Variants in HSD17B12 observed in about 807,000 individuals in gnomAD.
HSD17B12 encodes the protein hydroxysteroid 17-beta dehydrogenase 12.
Under a neutral mutation model 39.3 loss-of-function variants are expected in HSD17B12, and 32 were observed. The ratio of observed to expected loss-of-function variants is 0.81; its 90% CI spans 0.61 to 1.09. The LOEUF (loss-of-function observed/expected upper bound fraction) is 1.09. HSD17B12 is among the 50% of genes least tolerant of loss of function. The pLI, the probability that HSD17B12 is intolerant of heterozygous loss-of-function variation, is 0.00. For synonymous variants in HSD17B12, 150 were observed against 146.7 expected, an observed-to-expected ratio of 1.02 and a Z score of -0.16; for missense variants, 342 against 382.9, an observed-to-expected ratio of 0.89 and a Z score of 0.89.
chr11:43,697,124 A>G (rs1312305851), intron 1 of HSD17B12, among the ~76,000 whole-genome samples: 1 of 152,206 alleles, frequency 6.6e-6, no homozygotes, highest in East Asian at 1.9e-4. Flanking sequence ...TGGCACATGT[A>G]TACTTATGTA....
intron 9 of HSD17B12, among the ~76,000 whole-genome samples, chr11:43,840,839 G>T (rs773847555): frequency 6.6e-6 from 1 of 152,162 alleles, no homozygotes; most frequent in Non-Finnish European, 1.5e-5. Flanking sequence ...GAGCATGAGT[G>T]TACAAATATC....
At chr11:43,794,434 G>A (rs1950897862) in intron 3 of HSD17B12, among the ~76,000 whole-genome samples, 1 of 152,144 alleles carries the variant, frequency 6.6e-6, no homozygotes, top group African/African-American at 2.4e-5. Context: ...GTGAGGATAA[G>A]CAATAAGTTT....
chr11:43,787,973 G>A (rs1227716469), intron 3 of HSD17B12, among the ~76,000 whole-genome samples: 1 of 152,038 alleles, frequency 6.6e-6, no homozygotes, highest in Admixed American at 6.5e-5. Flanking sequence ...TAAGAACAAA[G>A]TGACAGGTTA....
intron 1 of HSD17B12, among the ~76,000 whole-genome samples, chr11:43,713,723 A>G (rs1159254535): frequency 6.6e-6 from 1 of 152,164 alleles, no homozygotes. Flanking sequence ...CAATGGTTGA[A>G]CTAGTTTACC....
chr11:43,763,001 A>T lies in HSD17B12; in HGVS notation c.283+8880A>T, dbSNP rs150358396. Among the ~76,000 whole-genome samples, 6 of 152,350 alleles carry T rather than the reference A, an allele frequency of 3.9e-5. No individual in the cohort carries two copies. The East Asian group carries it at 1.2e-3, about 29-fold the overall frequency. On this transcript the variant is annotated intron_variant, in intron 3 of 10. Transcript: ENST00000278353. Reference sequence around the variant, plus strand: ...CTTGATAAACAAAGCAGGTCTCATAAGAGAGCTGAACTAATTAAAGATGTG... The same window carrying T: ...CTTGATAAACAAAGCAGGTCTCATATGAGAGCTGAACTAATTAAAGATGTG...
At chr11:43,851,568 T>C (rs1951531118) in intron 9 of HSD17B12, among the ~76,000 whole-genome samples, 1 of 152,208 alleles carries the variant, frequency 6.6e-6, no homozygotes, top group African/African-American at 2.4e-5. Flanking sequence ...ATTTCTAAAA[T>C]TTTGGCTTAA....
At chr11:43,768,746 ACAGAAGGAGAC>A (rs1242685601) in intron 3 of HSD17B12, among the ~76,000 whole-genome samples, 5 of 152,200 alleles carry the variant, frequency 3.3e-5, no homozygotes, top group Admixed American at 3.3e-4. Context: ...ATTCCACAGC[ACAGAAGGAGAC>A]CAGAGCGGGT....
chr11:43,737,662 A>G (rs1431670283), intron 1 of HSD17B12, among the ~76,000 whole-genome samples: 3 of 152,348 alleles, frequency 2.0e-5, no homozygotes, highest in South Asian at 2.1e-4. Context: ...GGGTGATACC[A>G]TATAGCTTTT....
chr11:43,695,484 A>G (rs1949902717), intron 1 of HSD17B12, among the ~76,000 whole-genome samples: 1 of 152,186 alleles, frequency 6.6e-6, no homozygotes, highest in Admixed American at 6.5e-5. Context: ...AGGCTGAGGC[A>G]GGAGAATCAC....
chr11:43,686,988 A>T (rs181631750), intron 1 of HSD17B12, among the ~76,000 whole-genome samples: 85 of 141,830 alleles, frequency 6.0e-4, no homozygotes, highest in African/African-American at 2.0e-3. Context: ...TGGTTGGTTG[A>T]ATTGAGGATA....
upstream of HSD17B12, among the ~76,000 whole-genome samples, chr11:43,678,464 T>G (rs2134728374): frequency 6.6e-6 from 1 of 152,352 alleles, no homozygotes; most frequent in Non-Finnish European, 1.5e-5. Flanking sequence ...AATTTTGGCT[T>G]TTGTTGCCAT....
chr11:43,819,203 A>G (rs1015309736), intron 6 of HSD17B12, among the ~76,000 whole-genome samples: 1 of 152,150 alleles, frequency 6.6e-6, no homozygotes, highest in Admixed American at 6.5e-5. Context: ...CTTTAGATCC[A>G]TTAGTATTTT....
chr11:43,725,852 C>T (rs189056860), intron 1 of HSD17B12, among the ~76,000 whole-genome samples: 2 of 152,018 alleles, frequency 1.3e-5, no homozygotes, highest in African/African-American at 4.8e-5. Context: ...AAAGACACAA[C>T]AGAGGAACAG....
intron 3 of HSD17B12, among the ~76,000 whole-genome samples, chr11:43,795,361 A>G (rs974900244): frequency 2.6e-5 from 4 of 152,146 alleles, no homozygotes; most frequent in Admixed American, 6.6e-5. Flanking sequence ...AGACCCCTCC[A>G]TTATAATTCT....
chr11:43,734,126 C>T, intron 1 of HSD17B12: 2 of 1,382,848 alleles, frequency 1.4e-6, no homozygotes, highest in Non-Finnish European at 2.0e-6. Flanking sequence ...CCATCACTAC[C>T]AAATCAAGTC....
intron 1 of HSD17B12, among the ~76,000 whole-genome samples, chr11:43,724,315 TA>T (rs986260894): frequency 1.2e-4 from 18 of 151,262 alleles, no homozygotes; most frequent in South Asian, 6.3e-4. Context: ...ATATTTTGCA[TA>T]AAAAAAATAG....
In HSD17B12 at chr11:43,744,049, A is replaced by G. The variant is rs547029365; in HGVS notation, c.161-6862A>G. On this transcript the variant is annotated intron_variant, in intron 1 of 10. Coordinates refer to ENST00000278353, the MANE Select transcript of HSD17B12 (RefSeq NM_016142.3). ...GTAGCAAAATTGACAACCTACATTT[A>G]AAAAGTACATAGATGGTTTGGAAGA... 2.0e-5 allele frequency among the ~76,000 whole-genome samples: 3 copies of G among 152,322 alleles called. No homozygotes were observed. In the South Asian group the frequency reaches 6.2e-4, roughly 32 times the overall value.
chr11:43,716,868 G>A (rs1950128665), intron 1 of HSD17B12, among the ~76,000 whole-genome samples: 4 of 151,554 alleles, frequency 2.6e-5, no homozygotes, highest in Admixed American at 2.6e-4. Flanking sequence ...GGGGAAAGGT[G>A]CCCCAGAAGA....
chr11:43,655,229 T>C, the HSD17B12 span, among the ~76,000 whole-genome samples: 1 of 152,224 alleles, frequency 6.6e-6, no homozygotes, highest in African/African-American at 2.4e-5. Context: ...TGTATAAGAA[T>C]GCTTGTGATT....
Sources: gnomAD v4.1 joint callset for allele counts (sites outside exome capture counted in the v4.1 genomes callset) on GRCh38, gnomAD v4.1.1 for gene constraint, MANE v1.5 for transcripts, NCBI Gene and HGNC (gene_info 2026-07-23, HGNC 2026-07-21) for gene names.